Variants in ALDH3B1 observed in about 807,000 individuals in gnomAD.
ALDH3B1 encodes aldehyde dehydrogenase family 3 member B1.
A neutral mutation model predicts 46.2 loss-of-function variants in ALDH3B1; 37 were observed. The ratio of observed to expected loss-of-function variants is 0.80; its 90% CI spans 0.62 to 1.05. ALDH3B1 has a LOEUF of 1.05. Ranked by LOEUF, ALDH3B1 falls within the 50% of genes least tolerant of loss-of-function variation. The probability of loss-of-function intolerance (pLI) is 0.00; values close to 1 mark genes in which losing one functional copy is unlikely to be tolerated. For synonymous variants in ALDH3B1, 283 were observed against 281.0 expected, an observed-to-expected ratio of 1.01 and a Z score of -0.07; for missense variants, 603 against 665.5, an observed-to-expected ratio of 0.91 and a Z score of 1.03.
Position 68,021,831 on chromosome 11 carries a change from G to A in ALDH3B1, c.909G>A (p.Val303=). ...RLRALLGCGR[V]AIGGQSDESD... The stretch of plus-strand genomic sequence containing the variant: ...GGGCATTGCTGGGCTGCGGCCGTGT[G>A]GCCATTGGGGGCCAGAGCGATGAGA... The change falls in exon 7 of 10, where the codon GTG becomes GTA. Residue 303 remains valine (V), a synonymous_variant. Transcript: ENST00000342456. The A allele has an allele frequency of 1.2e-6, 2 of 1,613,464 alleles. No homozygotes were observed. The highest frequency in any genetic ancestry group is 1.7e-6 in the Non-Finnish European group (2 of 1,179,636).
chr11:68,017,076 C>A (rs1010875978), intron 2 of ALDH3B1: 2 of 152,372 alleles, frequency 1.3e-5, no homozygotes, highest in Non-Finnish European at 2.9e-5. Flanking sequence ...CACCCAGTGG[C>A]CCCCAGAAGA....
chr11:68,019,881 A>C, intron 6 of ALDH3B1, 85 bp downstream of exon 6: 1 of 1,393,008 alleles, frequency 7.2e-7, no homozygotes, highest in South Asian at 1.2e-5. Flanking sequence ...GGGAGTCCAC[A>C]GGGAGACTGA....
Position 68,022,182 on chromosome 11 carries a change from C to G in ALDH3B1, c.949+311C>G, listed in dbSNP as rs143516474. Among the ~76,000 whole-genome samples the G allele has an allele frequency of 1.5e-3, 227 of 152,324 alleles. 2 individuals carry two copies. Among genetic ancestry groups the G allele is most frequent in the African/African-American group, 5.4e-3 (224 of 41,564 alleles). Reference sequence around the variant, plus strand: ...TGAAAGGCTGTAACCTCAGATTCTCCGAGCCCACAATCCCCAGGTTCTAAA... The same window carrying G: ...TGAAAGGCTGTAACCTCAGATTCTCGGAGCCCACAATCCCCAGGTTCTAAA... On this transcript the variant is annotated intron_variant, in intron 7 of 9. Coordinates refer to ENST00000342456, the MANE Select transcript of ALDH3B1 (RefSeq NM_000694.4).
intron 2 of ALDH3B1, chr11:68,016,581 G>A (rs991699164): frequency 6.5e-6 from 1 of 152,936 alleles, no homozygotes; most frequent in Admixed American, 6.5e-5. Context: ...TCACCCATCA[G>A]GGCCCATGCA....
At chr11:68,009,902 G>C (rs1035415077), upstream of ALDH3B1, among the ~76,000 whole-genome samples, 3 of 152,068 alleles carry the variant, frequency 2.0e-5, no homozygotes, top group African/African-American at 4.8e-5. Context: ...GGGAAGGCTG[G>C]GAGTGGGGGG....
intron 8 of ALDH3B1, chr11:68,024,827 C>T (rs1857585269): frequency 6.6e-6 from 1 of 152,180 alleles, no homozygotes; most frequent in Non-Finnish European, 1.5e-5. Context: ...ACTACGGACT[C>T]AGGTATATTT....
rs372453336 is a variant in ALDH3B1 at position 68,019,809 on chromosome 11, C to T, written c.562+13C>T. The T allele has an allele frequency of 9.3e-5, 150 of 1,613,510 alleles. 1 individual carries two copies. The highest frequency in any genetic ancestry group is 6.3e-4 in the South Asian group (57 of 91,054). On this transcript the variant is annotated intron_variant, in intron 6 of 9. Transcript: ENST00000342456. ...ATCTTCTTCACAGGTGAGGCCGGGA[C>T]GAGGGTCGGGACAGGCTGGGGTCGG...
At chr11:68,015,808 GT>G (rs1228938793) in intron 2 of ALDH3B1, 1 of 396,302 alleles carries the variant, frequency 2.5e-6, no homozygotes, top group Non-Finnish European at 5.0e-6. Context: ...GCTCACACCT[GT>G]AGTCCCAGCA....
intron 2 of ALDH3B1, chr11:68,017,825 AG>A (rs1857384168): frequency 6.6e-6 from 1 of 152,132 alleles, no homozygotes; most frequent in Admixed American, 6.5e-5. Context: ...AGACCTACCT[AG>A]GCAACACAGC....
chr11:68,009,952 T>A (rs1857196015), upstream of ALDH3B1, among the ~76,000 whole-genome samples: 1 of 152,152 alleles, frequency 6.6e-6, no homozygotes, highest in South Asian at 2.1e-4. Context: ...ACATTCCACA[T>A]AATATTATAA....
intron 4 of ALDH3B1, 132 bp from the exon 5 acceptor site, chr11:68,019,038 G>A (rs1381610568): frequency 3.4e-5 from 50 of 1,451,090 alleles, no homozygotes; most frequent in Non-Finnish European, 4.4e-5. Context: ...TGTGGCCCTG[G>A]GCCCGTCATG....
In ALDH3B1 at chr11:68,019,076, T is replaced by C. The variant is rs113934499; in HGVS notation, c.395-94T>C. The stretch of plus-strand genomic sequence containing the variant: ...ACCTCTCTGAACCAGGTTCTGCATC[T>C]GAAAGTGGGTGAGGCTGATGCCTGC... On this transcript the variant is annotated intron_variant, in intron 4 of 9. Coordinates refer to ENST00000342456, the MANE Select transcript of ALDH3B1 (RefSeq NM_000694.4). 6.1e-4 allele frequency: 901 copies of C among 1,478,324 alleles called. 4 individuals carry two copies. In the African/African-American group the frequency reaches 0.011, roughly 18 times the overall value. 91.6% of individuals were successfully genotyped at this position (1,478,324 alleles called of 1,614,324 possible). A position where few individuals can be genotyped will look rare whatever the true frequency, so the allele number is the denominator to read the frequency against.
upstream of ALDH3B1, among the ~76,000 whole-genome samples, chr11:68,009,731 G>C (rs1365572678): frequency 6.6e-6 from 1 of 152,118 alleles, no homozygotes; most frequent in Non-Finnish European, 1.5e-5. Context: ...TTAACTACCA[G>C]GGCCAGGTGG....
In ALDH3B1 at chr11:68,015,377, C is replaced by T; in HGVS notation, c.80C>T (p.Ala27Val). The part of the protein sequence containing the change: ...AGRTRPAEFR[A>V]AQLQGLGRFL... ...CGCACGCGGCCAGCTGAGTTCCGGG[C>T]TGCGCAGCTCCAAGGCCTGGGCCGC... The change falls in exon 2 of 10, where the codon GCT (alanine) becomes GTT (valine). Residue 27 changes from alanine (A) to valine (V), a missense_variant. Transcript: ENST00000342456. 1.3e-6 allele frequency: 2 copies of T among 1,551,594 alleles called. No homozygotes were observed. Among genetic ancestry groups the T allele is most frequent in the Non-Finnish European group, 1.7e-6 (2 of 1,147,626 alleles).
At chr11:68,014,389 G>A (rs1244691463) in intron 1 of ALDH3B1, among the ~76,000 whole-genome samples, 1 of 152,212 alleles carries the variant, frequency 6.6e-6, no homozygotes, top group Non-Finnish European at 1.5e-5. Flanking sequence ...AAAGGGACTC[G>A]GAGAGGGAAG....
chr11:68,019,250 G>C lies in ALDH3B1; in HGVS notation c.475G>C (p.Asp159His), dbSNP rs1331964276. Residue 159 changes from aspartate to histidine, a missense_variant, in exon 5 of 10, where the codon GAC becomes CAC. Asp to His is a moderately conservative substitution (Grantham distance 81). Coordinates refer to ENST00000342456, the MANE Select transcript of ALDH3B1 (RefSeq NM_000694.4). ...ILAEVLPQYV[D>H]QSCFAVVLGG... Reference sequence around the variant, plus strand: ...GGCCGAGGTGCTGCCCCAATACGTGGACCAGGTGAGCAGGGCTGCCGGGCA... The same window carrying C: ...GGCCGAGGTGCTGCCCCAATACGTGCACCAGGTGAGCAGGGCTGCCGGGCA... The C allele has an allele frequency of 9.9e-6, 16 of 1,612,610 alleles. No homozygotes were observed. The highest frequency in any genetic ancestry group is 1.4e-5 in the Non-Finnish European group (16 of 1,179,420).
At chr11:68,008,758 G>A (rs1191106327), upstream of ALDH3B1, 1 of 152,336 alleles carries the variant, frequency 6.6e-6, no homozygotes, top group East Asian at 1.9e-4. Flanking sequence ...CGTTGGCCCA[G>A]AGGCCCCGGG....
At chr11:68,023,970 T>TA (rs34271562) in intron 8 of ALDH3B1, among the ~76,000 whole-genome samples, 24,881 of 134,976 alleles carry the variant, frequency 0.18, 2,136 homozygotes, top group East Asian at 0.22. Flanking sequence ...TCCTGACCCA[T>TA]AAAAAAAAAA....
chr11:68,019,663 G>T, intron 5 of ALDH3B1, 52 bp from the exon 6 acceptor site: 2 of 1,591,584 alleles, frequency 1.3e-6, no homozygotes, highest in Admixed American at 1.7e-5. Flanking sequence ...CTGCTCCCTT[G>T]TGTTCTCGGA....
Sources: gnomAD v4.1 joint callset for allele counts (sites outside exome capture counted in the v4.1 genomes callset) on GRCh38, gnomAD v4.1.1 for gene constraint, MANE v1.5 for transcripts, NCBI Gene and HGNC (gene_info 2026-07-23, HGNC 2026-07-21) for gene names.